Variants in L2HGDH observed in about 807,000 individuals in gnomAD.
L2HGDH encodes L-2-hydroxyglutarate dehydrogenase.
In L2HGDH, 34 loss-of-function variants were observed where a neutral mutation model predicts 51.5. That is an observed-to-expected ratio of 0.66 (90% CI 0.50 to 0.88). The LOEUF (loss-of-function observed/expected upper bound fraction) is 0.88. Among genes scored for constraint, L2HGDH ranks in the 40% least tolerant of loss-of-function variants. The pLI is 0.00. For missense variants in L2HGDH, 558 were observed against 571.9 expected (o/e 0.98, Z 0.25); for synonymous variants, 198 against 197.9 (o/e 1.00, Z -0.01).
At position 50,302,159 on chromosome 14, in the gene L2HGDH, T is replaced by G; in HGVS notation, c.266A>C (p.Gln89Pro). The change falls in exon 3 of 10, where the codon CAG (glutamine) becomes CCG (proline). Residue 89 changes from glutamine (Q) to proline (P), a missense_variant. Around this residue, in one of 3 missense-constraint regions of L2HGDH, gnomAD observed 194 missense variants for 187.2 expected, o/e 1.04. Coordinates refer to ENST00000267436, the MANE Select transcript of L2HGDH (RefSeq NM_024884.3). ...LEKEKDLAVH[Q>P]TGHNSGVIHS... is the part of the protein sequence containing the mutation. ...TATGACACCACTGTTATGTCCAGTC[T>G]GGTGAACAGCTACAGAACAAGAGAA... The G allele has an allele frequency of 1.2e-6, 2 of 1,614,110 alleles. No individual in the cohort carries two copies. Among genetic ancestry groups the G allele is most frequent in the Non-Finnish European group, 1.7e-6 (2 of 1,179,986 alleles).
chr14:50,274,064 G>C (rs1057343609), intron 6 of L2HGDH, among the ~76,000 whole-genome samples: 1 of 152,016 alleles, frequency 6.6e-6, no homozygotes. Flanking sequence ...GGCAACAAGA[G>C]TGAAACCCCA....
chr14:50,272,639 C>A (rs566261616), intron 6 of L2HGDH, among the ~76,000 whole-genome samples: 2 of 152,158 alleles, frequency 1.3e-5, no homozygotes, highest in Non-Finnish European at 2.9e-5. Context: ...ATATGAGCTA[C>A]CCATTATTAA....
At chr14:50,266,863 A>T (rs906847305) in intron 8 of L2HGDH, among the ~76,000 whole-genome samples, 1 of 152,158 alleles carries the variant, frequency 6.6e-6, no homozygotes. Context: ...ACCAAACAAA[A>T]TACCTAATTC....
At chr14:50,291,506 G>A (rs1242515092) in intron 4 of L2HGDH, among the ~76,000 whole-genome samples, 1 of 152,140 alleles carries the variant, frequency 6.6e-6, no homozygotes, top group African/African-American at 2.4e-5. Context: ...TCCTGACTGG[G>A]TGCCAGGAAA....
chr14:50,278,381 T>C, intron 6 of L2HGDH, 139 bp downstream of exon 6: 2 of 648,414 alleles, frequency 3.1e-6, no homozygotes, highest in East Asian at 2.8e-5. Context: ...GCTGTTAAAC[T>C]TCCCTAAAAG....
chr14:50,305,225 T>G (rs2030658480), intron 1 of L2HGDH, among the ~76,000 whole-genome samples: 1 of 152,188 alleles, frequency 6.6e-6, no homozygotes, highest in Admixed American at 6.5e-5. Context: ...AACCTCCAGG[T>G]GATGCTCAGC....
In L2HGDH at chr14:50,294,190, T is replaced by C; in HGVS notation, c.465A>G (p.Lys155=). The stretch of plus-strand genomic sequence containing the variant: ...GGCCCGGGACACCATTCTGGAGGCC[T>C]TTCTCATATAGGGCCTGAAGTCTGG... ...EIPRLQALYE[K]GLQNGVPGLR... The change falls in exon 4 of 10, where the codon AAA becomes AAG. Residue 155 remains lysine, a synonymous_variant. Transcript: ENST00000267436. 6.2e-7 allele frequency: 1 copy of C among 1,613,560 alleles called. No individual in the cohort carries two copies. The highest frequency in any genetic ancestry group is 2.2e-5 in the East Asian group (1 of 44,880).
intron 9 of L2HGDH, among the ~76,000 whole-genome samples, chr14:50,264,119 C>T (rs1391530217): frequency 6.6e-6 from 1 of 151,492 alleles, no homozygotes; most frequent in African/African-American, 2.4e-5. Flanking sequence ...GTGGCTCACG[C>T]CTGTAATCCC....
chr14:50,287,449 A>G (rs2139173581), intron 4 of L2HGDH: 1 of 296,314 alleles, frequency 3.4e-6, no homozygotes, highest in Middle Eastern at 1.7e-3. Flanking sequence ...GACCAAATCT[A>G]TAATGGGGCC....
At position 50,242,617 on chromosome 14, in the gene L2HGDH, T is replaced by C. The variant is rs983783498; in HGVS notation, c.*4441A>G. The C allele has an allele frequency of 6.1e-6, 6 of 985,242 alleles. No homozygotes were observed. The highest frequency in any genetic ancestry group is 1.1e-4 in the East Asian group (1 of 8,818). 61.0% of individuals were successfully genotyped at this position (985,242 alleles called of 1,614,324 possible). On this transcript the variant is annotated 3_prime_UTR_variant, in exon 10 of 10. Coordinates refer to ENST00000267436, the MANE Select transcript of L2HGDH (RefSeq NM_024884.3). The stretch of plus-strand genomic sequence containing the variant: ...TCAGGGTTTATTTCCATTCTTAAGC[T>C]ATTTAATGAGTACAAACTATTTGAA...
intron 4 of L2HGDH, among the ~76,000 whole-genome samples, chr14:50,290,182 GC>G (rs1890795599): frequency 6.6e-6 from 1 of 152,064 alleles, no homozygotes; most frequent in Non-Finnish European, 1.5e-5. Context: ...CAGGAGAATG[GC>G]GTGAACCCAA....
At chr14:50,310,180 T>G (rs571847589) in intron 1 of L2HGDH, among the ~76,000 whole-genome samples, 3 of 152,310 alleles carry the variant, frequency 2.0e-5, no homozygotes, top group African/African-American at 7.2e-5. Context: ...TAAGATGTTT[T>G]CATTGGGGTA....
chr14:50,271,093 A>C (rs1469049375), intron 6 of L2HGDH, among the ~76,000 whole-genome samples: 1 of 151,324 alleles, frequency 6.6e-6, no homozygotes, highest in Non-Finnish European at 1.5e-5. Context: ...CCTGGGTTCA[A>C]GTAATTCTCC....
rs373818467 is a variant in L2HGDH, at chr14:50,273,131, GGAAAGGACCTCTGGA to G, written c.739-3816_739-3802del. Among the ~76,000 whole-genome samples the G allele has an allele frequency of 4.5e-3, 690 of 152,288 alleles. 3 individuals carry two copies. The highest frequency in any genetic ancestry group is 0.015 in the African/African-American group (631 of 41,552). On this transcript the variant is annotated intron_variant, in intron 6 of 9. Coordinates refer to ENST00000267436, the MANE Select transcript of L2HGDH (RefSeq NM_024884.3). Reference sequence around the variant, plus strand: ...ACTAATGGTTTGGCTAGATGGACAGGGAAAGGACCTCTGGAGAAAGGTATATGAATGGACCACTCC... The same window carrying G: ...ACTAATGGTTTGGCTAGATGGACAGGGAAAGGTATATGAATGGACCACTCC...
chr14:50,243,055 G>A lies in L2HGDH; in HGVS notation c.*4003C>T, dbSNP rs1887861592. 1 of 985,292 alleles carries A rather than the reference G, an allele frequency of 1.0e-6. No individual in the cohort carries two copies. Among genetic ancestry groups the A allele is most frequent in the Admixed American group, 6.2e-5 (1 of 16,260 alleles). The allele number at this position is 985,292 out of a possible 1,614,324, so 61.0% of individuals were successfully genotyped here. On this transcript the variant is annotated 3_prime_UTR_variant, in exon 10 of 10. Transcript: ENST00000267436. Reference sequence around the variant, plus strand: ...CTTTGAAGAAAGTTCTAAGAGTTAAGGTTATCCCACAGGCTACTAGGTAGA... The same window carrying A: ...CTTTGAAGAAAGTTCTAAGAGTTAAAGTTATCCCACAGGCTACTAGGTAGA...
At chr14:50,304,696 G>A (rs1444106884) in intron 1 of L2HGDH, among the ~76,000 whole-genome samples, 5 of 152,122 alleles carry the variant, frequency 3.3e-5, no homozygotes, top group Non-Finnish European at 5.9e-5. Context: ...TTAGCCAGGC[G>A]TGGTGGCGGG....
At chr14:50,292,662 C>T (rs1285829968) in intron 4 of L2HGDH, among the ~76,000 whole-genome samples, 3 of 152,096 alleles carry the variant, frequency 2.0e-5, no homozygotes, top group South Asian at 2.1e-4. Flanking sequence ...GCTGAGATTG[C>T]GCCATTGCAC....
chr14:50,277,667 G>A (rs12586982), intron 6 of L2HGDH, among the ~76,000 whole-genome samples: 3 of 151,730 alleles, frequency 2.0e-5, no homozygotes, highest in East Asian at 3.9e-4. Context: ...CAGCTACTCG[G>A]GAGGCTGAGG....
At chr14:50,265,926 A>C (rs1211102853) in intron 8 of L2HGDH, among the ~76,000 whole-genome samples, 1 of 152,080 alleles carries the variant, frequency 6.6e-6, no homozygotes, top group African/African-American at 2.4e-5. Context: ...TCAACCAATC[A>C]ATCAATGAAT....
Sources: allele counts gnomAD v4.1 joint callset (sites outside exome capture counted in the v4.1 genomes callset), GRCh38; gene constraint gnomAD v4.1.1; regional missense constraint gnomAD v4.1.1; transcripts MANE v1.5; gene names NCBI Gene and HGNC (gene_info 2026-07-23, HGNC 2026-07-21).